HVCN1: variants seen among roughly 807,000 people sequenced by gnomAD.
HVCN1 encodes hydrogen voltage gated channel 1, also known as voltage-gated hydrogen channel 1.
A neutral mutation model predicts 29.2 loss-of-function variants in HVCN1; 14 were observed. That is an observed-to-expected ratio of 0.48 (90% CI 0.32 to 0.75). The LOEUF (loss-of-function observed/expected upper bound fraction) is 0.75, where lower values mean the gene tolerates loss of function less well. HVCN1 is among the 30% of genes least tolerant of loss of function. The pLI is 0.04. For missense variants in HVCN1, 263 were observed against 341.8 expected (o/e 0.77, Z 1.82); for synonymous variants, 131 against 133.2 (o/e 0.98, Z 0.11).
upstream of HVCN1, among the ~76,000 whole-genome samples, chr12:110,693,836 A>G (rs753124145): frequency 5.9e-5 from 9 of 152,172 alleles, no homozygotes; most frequent in Non-Finnish European, 1.2e-4. Context: ...GAAAAACATT[A>G]CTCTTGGAAG....
At chr12:110,698,667 A>G (rs1026528846) in intron 2 of HVCN1, among the ~76,000 whole-genome samples, 6 of 152,148 alleles carry the variant, frequency 3.9e-5, no homozygotes, top group African/African-American at 1.4e-4. Context: ...GTCTGCAGGG[A>G]CTTCCAGGAG....
At chr12:110,649,686 G>A (rs551687290) in intron 7 of HVCN1, among the ~76,000 whole-genome samples, 41 of 152,274 alleles carry the variant, frequency 2.7e-4, no homozygotes, top group African/African-American at 9.9e-4. Context: ...TGGGGGACCT[G>A]GCAGAGCCCT....
chr12:110,689,182 C>A (rs1480555212), upstream of HVCN1: 2 of 151,040 alleles, frequency 1.3e-5, no homozygotes, highest in Non-Finnish European at 3.0e-5. The surrounding 1 kb of genome is among the most constrained non-coding windows in gnomAD (Gnocchi z 5.7). Flanking sequence ...CGCCCCCGCC[C>A]GGGCCGCCCC....
At chr12:110,699,641 G>T (rs1417378845) in intron 2 of HVCN1, among the ~76,000 whole-genome samples, 1 of 152,084 alleles carries the variant, frequency 6.6e-6, no homozygotes, top group Admixed American at 6.6e-5. Context: ...CGAATGTGAG[G>T]CTGAAGAGTG....
At chr12:110,664,728 G>A (rs1225418946) in intron 3 of HVCN1, among the ~76,000 whole-genome samples, 2 of 152,134 alleles carry the variant, frequency 1.3e-5, no homozygotes, top group Admixed American at 6.6e-5. Context: ...GAATCTGCTT[G>A]GCAATGTACC....
At chr12:110,695,793 TGAGGCCAAAAG>T (rs1029191788) in intron 2 of HVCN1, among the ~76,000 whole-genome samples, 7 of 152,102 alleles carry the variant, frequency 4.6e-5, no homozygotes, top group African/African-American at 1.7e-4. Flanking sequence ...CTTGGCCTTA[TGAGGCCAAAAG>T]GAGGCCAAGA....
intron 3 of HVCN1, among the ~76,000 whole-genome samples, chr12:110,669,039 G>A (rs1360935057): frequency 6.6e-6 from 1 of 151,658 alleles, no homozygotes; most frequent in Admixed American, 6.6e-5. Context: ...TCTCGGTGCC[G>A]TTCACGTTCA....
chr12:110,657,962 C>T (rs1268364337), intron 4 of HVCN1, among the ~76,000 whole-genome samples: 1 of 152,204 alleles, frequency 6.6e-6, no homozygotes, highest in Non-Finnish European at 1.5e-5. Context: ...GCTTCAGCGT[C>T]CTCTCGGGGA....
In HVCN1 at chr12:110,661,286, C is replaced by T. The variant is rs1160783727; in HGVS notation, c.184G>A (p.Val62Ile). ...EEEEQPPPTP[V>I]SGEEGRAAAP... ...GCAGCTCTGCCTTCCTCGCCTGAGA[C>T]TGGTGTGGGTGGTGGCTGCTCCTCC... Residue 62 changes from valine to isoleucine, a missense_variant, in exon 4 of 8, where the codon GTC becomes ATC. Coordinates refer to ENST00000242607, the MANE Select transcript of HVCN1 (RefSeq NM_032369.4). This position sits in a 1 kb window ranked among gnomAD's most constrained non-coding sequence, Gnocchi z 6.2. 8.7e-6 allele frequency: 14 copies of T among 1,614,092 alleles called. No homozygotes were observed. Among genetic ancestry groups the T allele is most frequent in the Non-Finnish European group, 1.7e-6 (2 of 1,180,044 alleles).
At chr12:110,689,774 G>C (rs1566068175), upstream of HVCN1, 1 of 152,366 alleles carries the variant, frequency 6.6e-6, no homozygotes, top group Non-Finnish European at 1.5e-5. This position sits in a 1 kb window ranked among gnomAD's most constrained non-coding sequence, Gnocchi z 5.7. Flanking sequence ...GGGCCAACTC[G>C]TACGGCCCCG....
chr12:110,685,927 C>A (rs1475637699), intron 2 of HVCN1, among the ~76,000 whole-genome samples: 1 of 151,750 alleles, frequency 6.6e-6, no homozygotes, highest in African/African-American at 2.4e-5. Context: ...AGTGATCCTC[C>A]TGCCTCAGCC....
upstream of HVCN1, among the ~76,000 whole-genome samples, chr12:110,692,992 A>G (rs1477892762): frequency 2.0e-5 from 3 of 152,056 alleles, no homozygotes; most frequent in African/African-American, 7.2e-5. Context: ...CAGCCTCCCA[A>G]GTAGCTGGGA....
At chr12:110,690,539 C>T (rs764218013), upstream of HVCN1, among the ~76,000 whole-genome samples, 29 of 152,178 alleles carry the variant, frequency 1.9e-4, no homozygotes, top group Non-Finnish European at 4.1e-4. Context: ...TGCAGTGGTG[C>T]GATCTTGGCT....
At chr12:110,662,996 C>A (rs1050105388) in intron 3 of HVCN1, among the ~76,000 whole-genome samples, 1 of 152,168 alleles carries the variant, frequency 6.6e-6, no homozygotes, top group African/African-American at 2.4e-5. Context: ...AGATGCTTAT[C>A]CCCAATAATA....
At chr12:110,672,611 C>T (rs1262961593) in intron 3 of HVCN1, among the ~76,000 whole-genome samples, 2 of 151,958 alleles carry the variant, frequency 1.3e-5, no homozygotes. Flanking sequence ...TGATACCAAA[C>T]CTATTAGATA....
chr12:110,657,227 C>T (rs1484201846), intron 4 of HVCN1, among the ~76,000 whole-genome samples: 1 of 152,184 alleles, frequency 6.6e-6, no homozygotes. Flanking sequence ...GACACGGTGG[C>T]TCATGCCTGT....
At chr12:110,677,609 A>G (rs1179412298) in intron 3 of HVCN1, among the ~76,000 whole-genome samples, 1 of 152,152 alleles carries the variant, frequency 6.6e-6, no homozygotes, top group Admixed American at 6.5e-5. Context: ...TGGGGAGGCA[A>G]GAGGACTCCA....
At chr12:110,695,114 G>A (rs2069469091) in intron 2 of HVCN1, among the ~76,000 whole-genome samples, 1 of 152,104 alleles carries the variant, frequency 6.6e-6, no homozygotes, top group East Asian at 1.9e-4. Flanking sequence ...AAAGTGATAA[G>A]CATTGAAAAG....
At chr12:110,699,419 C>T (rs978372585) in intron 2 of HVCN1, among the ~76,000 whole-genome samples, 2 of 152,108 alleles carry the variant, frequency 1.3e-5, no homozygotes, top group South Asian at 2.1e-4. Flanking sequence ...CCAGGCCCCC[C>T]ACCCAAGCCA....
Sources: allele counts gnomAD v4.1 joint callset (sites outside exome capture counted in the v4.1 genomes callset), GRCh38; gene constraint gnomAD v4.1.1; non-coding constraint Gnocchi (gnomAD v3.1); transcripts MANE v1.5; gene names NCBI Gene and HGNC (gene_info 2026-07-23, HGNC 2026-07-21).